The following LGSN variants were observed in gnomAD, a reference collection of about 807,000 sequenced individuals.
LGSN encodes the protein lengsin, lens protein with glutamine synthetase domain.
LGSN carries 21 observed loss-of-function variants against 19.5 expected under a neutral mutation model. The observed-to-expected ratio is 1.07, with a 90% CI of 0.76 to 1.55. The LOEUF (loss-of-function observed/expected upper bound fraction) is 1.55, where lower values mean the gene tolerates loss of function less well. Ranked by LOEUF, LGSN falls within the 40% of genes most tolerant of loss-of-function variation. The pLI, the probability that LGSN is intolerant of heterozygous loss-of-function variation, is 0.00. For missense variants in LGSN, 673 were observed against 608.5 expected (o/e 1.11, Z -1.12); for synonymous variants, 257 against 215.6 (o/e 1.19, Z -1.68).
At chr6:63,393,479 C>T in the LGSN span, among the ~76,000 whole-genome samples, 1 of 152,102 alleles carries the variant, frequency 6.6e-6, no homozygotes. Flanking sequence ...GCGCCTGGCC[C>T]ATCTTCCCTT....
chr6:63,454,749 C>T, the LGSN span, among the ~76,000 whole-genome samples: 2 of 149,502 alleles, frequency 1.3e-5, no homozygotes, highest in Admixed American at 6.7e-5. Flanking sequence ...GGATTACAGG[C>T]GTGAGCCACC....
intron 1 of LGSN, 42 bp from the exon 2 acceptor site, chr6:63,295,087 T>A: frequency 1.3e-6 from 2 of 1,564,076 alleles, no homozygotes; most frequent in Non-Finnish European, 1.8e-6. Flanking sequence ...AACAGATTAT[T>A]CAAACAATGA....
At chr6:63,356,740 A>G in the LGSN span, among the ~76,000 whole-genome samples, 1 of 152,236 alleles carries the variant, frequency 6.6e-6, no homozygotes, top group South Asian at 2.1e-4. Flanking sequence ...AAAATATAGG[A>G]TGTTAAGTGC....
the LGSN span, among the ~76,000 whole-genome samples, chr6:63,543,721 G>A: frequency 6.6e-6 from 1 of 152,040 alleles, no homozygotes. Context: ...GAAAGACCTG[G>A]GGCAAATCAT....
the LGSN span, among the ~76,000 whole-genome samples, chr6:63,434,725 C>T: frequency 6.6e-6 from 1 of 152,000 alleles, no homozygotes. Context: ...AAAACCCATT[C>T]CCCTCTCATG....
the LGSN span, among the ~76,000 whole-genome samples, chr6:63,340,361 A>C: frequency 6.6e-6 from 1 of 152,050 alleles, no homozygotes; most frequent in African/African-American, 2.4e-5. Flanking sequence ...GATTTTCTAC[A>C]TGTTTCCCCA....
Position 63,280,184 on chromosome 6 carries a change from G to C in LGSN, c.1367C>G (p.Pro456Arg). Residue 456 changes from proline (P) to arginine (R), a missense_variant, in exon 4 of 4, where the codon CCT (proline) becomes CGT (arginine). Physicochemically the swap from Pro to Arg is moderately radical, Grantham distance 103. Transcript: ENST00000370657. The part of the protein sequence containing the change: ...DFYQVEPSEI[P>R]LKLEDALVAL... The stretch of plus-strand genomic sequence containing the variant: ...CACAAGGGCATCTTCTAGTTTTAAA[G>C]GGATCTCAGAAGGTTCCACTTGGTA... 6.2e-7 allele frequency: 1 copy of C among 1,614,180 alleles called. No individual in the cohort carries two copies. Among genetic ancestry groups the C allele is most frequent in the African/African-American group, 1.3e-5 (1 of 75,056 alleles).
chr6:63,570,791 T>C, the LGSN span, among the ~76,000 whole-genome samples: 3 of 152,344 alleles, frequency 2.0e-5, no homozygotes, highest in East Asian at 3.9e-4. Context: ...CCAAGCTTTT[T>C]ATATTAACCC....
the LGSN span, among the ~76,000 whole-genome samples, chr6:63,502,307 TCAC>T: frequency 6.6e-6 from 1 of 152,214 alleles, no homozygotes; most frequent in African/African-American, 2.4e-5. Flanking sequence ...TCTAGGATAA[TCAC>T]CACATCATAA....
chr6:63,502,818 C>T, the LGSN span, among the ~76,000 whole-genome samples: 1 of 152,144 alleles, frequency 6.6e-6, no homozygotes, highest in Admixed American at 6.5e-5. Flanking sequence ...AATTTCATCC[C>T]TCTGCATGCA....
chr6:63,442,348 CT>C, the LGSN span, among the ~76,000 whole-genome samples: 1 of 152,232 alleles, frequency 6.6e-6, no homozygotes, highest in Non-Finnish European at 1.5e-5. Context: ...GACCGGGTTG[CT>C]GCTGCTAGCT....
chr6:63,544,257 C>T, the LGSN span, among the ~76,000 whole-genome samples: 1 of 152,154 alleles, frequency 6.6e-6, no homozygotes, highest in African/African-American at 2.4e-5. Flanking sequence ...AGAATTCCTG[C>T]CTATTTTCAC....
the LGSN span, among the ~76,000 whole-genome samples, chr6:63,350,775 C>G: frequency 2.6e-5 from 4 of 151,880 alleles, no homozygotes; most frequent in African/African-American, 7.3e-5. Flanking sequence ...TCACTTGAAC[C>G]TGTGGGGCAG....
At chr6:63,370,261 G>C in the LGSN span, among the ~76,000 whole-genome samples, 1 of 152,182 alleles carries the variant, frequency 6.6e-6, no homozygotes, top group Non-Finnish European at 1.5e-5. Flanking sequence ...TGCTGGCATG[G>C]TATCCCAGGT....
At chr6:63,485,070 A>C in the LGSN span, among the ~76,000 whole-genome samples, 1 of 151,682 alleles carries the variant, frequency 6.6e-6, no homozygotes, top group Non-Finnish European at 1.5e-5. Context: ...TCAGGGTTAC[A>C]TGCAGGTTTG....
At chr6:63,551,787 T>A in the LGSN span, among the ~76,000 whole-genome samples, 1 of 148,796 alleles carries the variant, frequency 6.7e-6, no homozygotes, top group Non-Finnish European at 1.5e-5. Context: ...AATGAGAACA[T>A]GTGGTGTTTG....
the LGSN span, among the ~76,000 whole-genome samples, chr6:63,331,089 G>A: frequency 6.6e-6 from 1 of 152,058 alleles, no homozygotes; most frequent in Non-Finnish European, 1.5e-5. Flanking sequence ...GGGGTTTTGT[G>A]GTCCTTTTGG....
At position 63,278,171 on chromosome 6, in the gene LGSN, A is replaced by G. The variant is rs1017444376; in HGVS notation, c.*1850T>C. The G allele has an allele frequency of 1.3e-5, 2 of 152,122 alleles. No individual in the cohort carries two copies. The highest frequency in any genetic ancestry group is 4.8e-5 in the African/African-American group (2 of 41,398). The allele number at this position is 152,122 out of a possible 1,614,324, so 9.4% of individuals were successfully genotyped here. On this transcript the variant is annotated 3_prime_UTR_variant, in exon 4 of 4. Transcript: ENST00000370657. The stretch of plus-strand genomic sequence containing the variant: ...TCACCTCTTTGCACTGAACCTAATA[A>G]CATGACCACATCCAACCTTAATGAA...
At chr6:63,512,451 G>A in the LGSN span, among the ~76,000 whole-genome samples, 1 of 152,090 alleles carries the variant, frequency 6.6e-6, no homozygotes, top group Non-Finnish European at 1.5e-5. Flanking sequence ...AAGTGGCTGG[G>A]GCATATCTTG....
Sources: allele counts gnomAD v4.1 joint callset (sites outside exome capture counted in the v4.1 genomes callset), GRCh38; gene constraint gnomAD v4.1.1; transcripts MANE v1.5; gene names NCBI Gene and HGNC (gene_info 2026-07-23, HGNC 2026-07-21).